SYT3: variants seen among roughly 807,000 people sequenced by gnomAD.
SYT3 encodes the protein synaptotagmin 3, also known as synaptotagmin-3.
Under a neutral mutation model 50.6 loss-of-function variants are expected in SYT3, and 25 were observed. That is an observed-to-expected ratio of 0.49 (90% CI 0.36 to 0.69). The LOEUF is 0.69. SYT3 is among the 30% of genes least tolerant of loss of function. The pLI, the probability that SYT3 is intolerant of heterozygous loss-of-function variation, is 0.00. For synonymous variants in SYT3, 323 were observed against 353.9 expected, an observed-to-expected ratio of 0.91 and a Z score of 0.98; for missense variants, 589 against 793.6, an observed-to-expected ratio of 0.74 and a Z score of 3.10.
rs1249734913 is a variant in SYT3, at chr19:50,639,656, G to T, written c.-154+134C>A. On this transcript the variant is annotated intron_variant, in intron 1 of 10. Transcript: ENST00000600079. This position sits in a 1 kb window ranked among gnomAD's most constrained non-coding sequence, Gnocchi z 4.6. ...CCCTCCCCCGGGGTGGCCAGAGAGC[G>T]CTGCAGCGCTCCCACTCCCCGGCCC... is the stretch of plus-strand genomic sequence containing the variant. 6.6e-6 allele frequency: 1 copy of T among 152,332 alleles called. No homozygotes were observed. The highest frequency in any genetic ancestry group is 6.5e-5 in the Admixed American group (1 of 15,274). The allele number at this position is 152,332 out of a possible 1,614,324, so 9.4% of individuals were successfully genotyped here.
the SYT3 span, among the ~76,000 whole-genome samples, chr19:50,652,359 C>G: frequency 1.3e-5 from 2 of 152,086 alleles, no homozygotes; most frequent in African/African-American, 4.8e-5. Flanking sequence ...CCTGCCCTTA[C>G]GTTGCTCAGA....
At chr19:50,654,804 T>A in the SYT3 span, among the ~76,000 whole-genome samples, 1,070 of 136,164 alleles carry the variant, frequency 7.9e-3, 25 homozygotes, top group East Asian at 0.091. Flanking sequence ...TAATTAAAAA[T>A]TTTTTTTTGT....
At chr19:50,643,232 A>G (rs988805868), upstream of SYT3, among the ~76,000 whole-genome samples, 60 of 151,918 alleles carry the variant, frequency 3.9e-4, no homozygotes, top group African/African-American at 1.4e-3. Context: ...TTAGCCGGGC[A>G]TGGTGGCACA....
At chr19:50,656,053 C>T in the SYT3 span, 3 of 1,536,082 alleles carry the variant, frequency 2.0e-6, no homozygotes, top group East Asian at 7.3e-5. Flanking sequence ...TCCTCAGGAG[C>T]CCTCCTTATG....
At chr19:50,626,340 G>A (rs561957462) in intron 6 of SYT3, among the ~76,000 whole-genome samples, 2 of 152,254 alleles carry the variant, frequency 1.3e-5, no homozygotes, top group African/African-American at 4.8e-5. Flanking sequence ...AAAACACGGA[G>A]GGATACAGCT....
Position 50,625,412 on chromosome 19 carries a change from C to A in SYT3, c.1555G>T (p.Ala519Ser), listed in dbSNP as rs754747321. ...ESVENVGLSI[A>S]VVDYDCIGHN... ...CCTCACCAGTCGTAGTCTACCACGG[C>A]GATGCTGAGCCCCACGTTCTCCACG... The change falls in exon 8 of 11, where the codon GCC becomes TCC. Residue 519 changes from alanine (A) to serine (S), a missense_variant. Physicochemically the swap from Ala to Ser is moderately conservative, Grantham distance 99. This residue lies in a region of SYT3 where 273 missense variants were observed against 439.3 expected (regional missense o/e 0.62). Coordinates refer to ENST00000600079, the MANE Select transcript of SYT3 (RefSeq NM_001160329.2). The surrounding 1 kb of genome is among the most constrained non-coding windows in gnomAD (Gnocchi z 7.5). 18 of 1,554,704 alleles carry A rather than the reference C, an allele frequency of 1.2e-5. No individual in the cohort carries two copies. The highest frequency in any genetic ancestry group is 8.2e-5 in the African/African-American group (6 of 73,270).
At position 50,622,170 on chromosome 19, in the gene SYT3, G is replaced by A. The variant is rs1474984660; in HGVS notation, c.*315C>T. ...CGGGACACTGAGTCTTGGACAAACA[G>A]CAAAGAGACAGAGACAGACAGAGGG... On this transcript the variant is annotated 3_prime_UTR_variant, in exon 11 of 11. Transcript: ENST00000600079. 15 of 137,720 alleles carry A rather than the reference G, an allele frequency of 1.1e-4. No individual in the cohort carries two copies. The highest frequency in any genetic ancestry group is 4.2e-4 in the African/African-American group (15 of 35,538). The allele number at this position is 137,720 out of a possible 1,614,324, so 8.5% of individuals were successfully genotyped here.
In SYT3 at chr19:50,625,687, C is replaced by T. The variant is rs1984026954; in HGVS notation, c.1403-123G>A. 4.3e-6 allele frequency: 6 copies of T among 1,409,708 alleles called. No individual in the cohort carries two copies. Among genetic ancestry groups the T allele is most frequent in the South Asian group, 2.9e-5 (2 of 69,546 alleles). 87.3% of individuals were successfully genotyped at this position (1,409,708 alleles called of 1,614,324 possible). Reference sequence around the variant, plus strand: ...GTCCGGGGCCCCAGGCCCCCAGTCCCTCCTTCCTCAGGCCCAAGAGTCCAG... The same window carrying T: ...GTCCGGGGCCCCAGGCCCCCAGTCCTTCCTTCCTCAGGCCCAAGAGTCCAG... On this transcript the variant is annotated intron_variant, in intron 7 of 10. Coordinates refer to ENST00000600079, the MANE Select transcript of SYT3 (RefSeq NM_001160329.2). The surrounding 1 kb of genome is among the most constrained non-coding windows in gnomAD (Gnocchi z 7.5).
rs117398250 is a variant in SYT3, at chr19:50,637,250, G to A, written c.148+14C>T. The A allele has an allele frequency of 9.4e-3, 15,170 of 1,610,580 alleles. 93 individuals are homozygous for A. Among genetic ancestry groups the A allele is most frequent in the Middle Eastern group, 0.016 (90 of 5,514 alleles). ...GCAAGCAGGGGGCTGGCCAAGACAG[G>A]CAGGGGTGCTGACCTGCATCTGGAC... On this transcript the variant is annotated intron_variant, in intron 3 of 10. Coordinates refer to ENST00000600079, the MANE Select transcript of SYT3 (RefSeq NM_001160329.2). This position sits in a 1 kb window ranked among gnomAD's most constrained non-coding sequence, Gnocchi z 4.9.
the SYT3 span, among the ~76,000 whole-genome samples, chr19:50,653,627 C>A: frequency 6.0e-5 from 9 of 150,580 alleles, no homozygotes; most frequent in African/African-American, 2.0e-4. Context: ...TACCAGCACA[C>A]CACTGACTAT....
chr19:50,624,907 C>A (rs779784763), intron 9 of SYT3: 55 of 381,464 alleles, frequency 1.4e-4, no homozygotes, highest in Non-Finnish European at 2.3e-4. Flanking sequence ...ACCTACAGAA[C>A]GTTTAACTCA....
rs1984620193 is a variant in SYT3 at position 50,639,814 on chromosome 19, C to G, written c.-178G>C. ...CCCGGAGCCGCCGCTGCCGCCGCTG[C>G]CGCCGCCGCCGCCGCCGCAGCCCCG... is the stretch of plus-strand genomic sequence containing the variant. On this transcript the variant is annotated 5_prime_UTR_variant, in exon 1 of 11. Transcript: ENST00000600079. This position sits in a 1 kb window ranked among gnomAD's most constrained non-coding sequence, Gnocchi z 4.6. 6.4e-6 allele frequency: 1 copy of G among 157,340 alleles called. No individual in the cohort carries two copies. The highest frequency in any genetic ancestry group is 1.8e-4 in the South Asian group (1 of 5,526). The allele number at this position is 157,340 out of a possible 1,614,324, so 9.7% of individuals were successfully genotyped here.
At chr19:50,648,051 C>T in the SYT3 span, among the ~76,000 whole-genome samples, 5 of 152,260 alleles carry the variant, frequency 3.3e-5, no homozygotes, top group Non-Finnish European at 7.4e-5. Flanking sequence ...ATGAGGGCTT[C>T]AGGCATTGCT....
At chr19:50,645,352 C>G in the SYT3 span, among the ~76,000 whole-genome samples, 11 of 151,798 alleles carry the variant, frequency 7.2e-5, no homozygotes, top group African/African-American at 2.7e-4. Context: ...TGGAGACACA[C>G]AGAAGCAGAG....
chr19:50,641,965 T>G (rs1185955209), upstream of SYT3, among the ~76,000 whole-genome samples: 1 of 152,234 alleles, frequency 6.6e-6, no homozygotes, highest in Non-Finnish European at 1.5e-5. Flanking sequence ...AATACAACTT[T>G]AAGCACGCAT....
At chr19:50,653,948 C>A in the SYT3 span, among the ~76,000 whole-genome samples, 1 of 151,940 alleles carries the variant, frequency 6.6e-6, no homozygotes, top group Admixed American at 6.6e-5. Context: ...GAAAAAGCAG[C>A]CGTCGGCTCT....
At chr19:50,646,374 G>A in the SYT3 span, among the ~76,000 whole-genome samples, 22 of 151,898 alleles carry the variant, frequency 1.4e-4, no homozygotes, top group African/African-American at 4.4e-4. Context: ...ATGTTGGCTC[G>A]TGAAGACCAG....
chr19:50,651,107 C>T, the SYT3 span, among the ~76,000 whole-genome samples: 4 of 152,226 alleles, frequency 2.6e-5, no homozygotes, highest in East Asian at 7.7e-4. Context: ...AGCATTTTGC[C>T]TGTAGTGCCT....
the SYT3 span, chr19:50,649,572 G>GTA: frequency 6.6e-7 from 1 of 1,510,500 alleles, no homozygotes; most frequent in East Asian, 2.5e-5. Context: ...GTGCGTAGTA[G>GTA]CCCGGGCTCA....
Sources: allele counts gnomAD v4.1 joint callset (sites outside exome capture counted in the v4.1 genomes callset), GRCh38; gene constraint gnomAD v4.1.1; regional missense constraint gnomAD v4.1.1; non-coding constraint Gnocchi (gnomAD v3.1); transcripts MANE v1.5; gene names NCBI Gene and HGNC (gene_info 2026-07-23, HGNC 2026-07-21).